Variants in STK3 observed in about 807,000 individuals in gnomAD.
The protein encoded by STK3 is serine/threonine-protein kinase 3.
A neutral mutation model predicts 58.0 loss-of-function variants in STK3; 41 were observed. That is an observed-to-expected ratio of 0.71 (90% CI 0.55 to 0.92). The LOEUF is 0.92. Among genes scored for constraint, STK3 ranks in the 40% least tolerant of loss-of-function variants. STK3 has a pLI of 0.00. For missense variants in STK3, 479 were observed against 602.7 expected, an observed-to-expected ratio of 0.79 and a Z score of 2.15; for synonymous variants, 170 against 191.0, an observed-to-expected ratio of 0.89 and a Z score of 0.91.
At chr8:98,587,681 T>C (rs958618664) in intron 7 of STK3, among the ~76,000 whole-genome samples, 1 of 152,088 alleles carries the variant, frequency 6.6e-6, no homozygotes, top group Non-Finnish European at 1.5e-5. Flanking sequence ...TTGATCTGTC[T>C]AATGTTGACA....
intron 1 of STK3, among the ~76,000 whole-genome samples, chr8:98,917,327 T>C (rs527787211): frequency 6.6e-6 from 1 of 152,178 alleles, no homozygotes; most frequent in Non-Finnish European, 1.5e-5. Context: ...AAATGGCAGA[T>C]GTACCAGCAT....
In STK3 at chr8:98,687,390, G is replaced by A. The variant is rs752269720; in HGVS notation, c.684+19077C>T. On this transcript the variant is annotated intron_variant, in intron 6 of 10. Coordinates refer to ENST00000419617, the MANE Select transcript of STK3 (RefSeq NM_006281.4). ...ACGTGCAGTTCACAAAAGGGTTCACGCTCCTAAGAGAATCCAATGTCAGTG... is the reference window on the plus strand; with the variant it reads ...ACGTGCAGTTCACAAAAGGGTTCACACTCCTAAGAGAATCCAATGTCAGTG... Among the ~76,000 whole-genome samples, 10 of 152,288 alleles carry A rather than the reference G, an allele frequency of 6.6e-5. No individual in the cohort carries two copies. In the East Asian group the frequency reaches 7.7e-4, roughly 12 times the overall value.
chr8:98,825,503 C>A lies in STK3; in HGVS notation c.26+12G>T. 2 of 1,457,844 alleles carry A rather than the reference C, an allele frequency of 1.4e-6. No individual in the cohort carries two copies. Among genetic ancestry groups the A allele is most frequent in the South Asian group, 2.6e-5 (2 of 77,256 alleles). The allele number at this position is 1,457,844 out of a possible 1,614,324, so 90.3% of individuals were successfully genotyped here. ...CCGCTTCCCTCCTTCTTCCCGCTCCCCGATTCGTTACCTCTTAGGCGCCGG... is the reference window on the plus strand; with the variant it reads ...CCGCTTCCCTCCTTCTTCCCGCTCCACGATTCGTTACCTCTTAGGCGCCGG... On this transcript the variant is annotated intron_variant, in intron 1 of 10. Coordinates refer to ENST00000419617, the MANE Select transcript of STK3 (RefSeq NM_006281.4).
intron 9 of STK3, among the ~76,000 whole-genome samples, chr8:98,531,297 T>C (rs1049725832): frequency 6.6e-6 from 1 of 152,370 alleles, no homozygotes; most frequent in Middle Eastern, 3.4e-3. Flanking sequence ...ACAAAATGGA[T>C]GTTGTGTTAG....
intron 6 of STK3, among the ~76,000 whole-genome samples, chr8:98,600,782 A>C (rs1816278782): frequency 6.6e-6 from 1 of 152,268 alleles, no homozygotes; most frequent in Non-Finnish European, 1.5e-5. Flanking sequence ...AATAACATAA[A>C]GTAACATATT....
chr8:98,662,694 C>CT (rs1330674123), intron 6 of STK3, among the ~76,000 whole-genome samples: 2 of 148,850 alleles, frequency 1.3e-5, no homozygotes, highest in African/African-American at 5.0e-5. Flanking sequence ...TTTTTTTAAA[C>CT]TTTAAGTTTT....
chr8:98,570,601 G>A (rs1812882244), intron 8 of STK3, among the ~76,000 whole-genome samples: 1 of 151,728 alleles, frequency 6.6e-6, no homozygotes. Flanking sequence ...CACAAGGTAG[G>A]GCAAAACCAG....
intron 1 of STK3, among the ~76,000 whole-genome samples, chr8:98,916,536 AG>A (rs1839355893): frequency 6.6e-6 from 1 of 152,242 alleles, no homozygotes; most frequent in African/African-American, 2.4e-5. Flanking sequence ...CTGTGTCTAC[AG>A]TCTTCACAAC....
Position 98,700,960 on chromosome 8 carries a change from G to A in STK3, c.684+5507C>T, listed in dbSNP as rs571559184. 5.3e-5 allele frequency among the ~76,000 whole-genome samples: 8 copies of A among 152,288 alleles called. No individual in the cohort carries two copies. In the South Asian group the frequency reaches 6.2e-4, roughly 12 times the overall value. ...GAAGATTGCAGTGAGCCTAGATGGCGCCACTGCACTCCAGCCTGGGTGACA... is the reference window on the plus strand; with the variant it reads ...GAAGATTGCAGTGAGCCTAGATGGCACCACTGCACTCCAGCCTGGGTGACA... On this transcript the variant is annotated intron_variant, in intron 6 of 10. Transcript: ENST00000419617.
At chr8:98,405,078 T>C (rs1003272397) in intron 3 of STK3, among the ~76,000 whole-genome samples, 6 of 152,232 alleles carry the variant, frequency 3.9e-5, no homozygotes, top group Admixed American at 3.9e-4. Context: ...CTTGTAGCTA[T>C]GTAGCCTTTT....
At chr8:98,357,666 A>T in the STK3 span, among the ~76,000 whole-genome samples, 1 of 152,152 alleles carries the variant, frequency 6.6e-6, no homozygotes, top group South Asian at 2.1e-4. Context: ...CATAGTTGAT[A>T]CCCTTCTAAT....
chr8:98,587,013 G>A (rs1190786710), intron 7 of STK3, among the ~76,000 whole-genome samples: 32 of 151,556 alleles, frequency 2.1e-4, no homozygotes, highest in African/African-American at 3.6e-4. Flanking sequence ...TCTTGCTAGC[G>A]GTCTATCAAT....
chr8:98,370,430 T>G (rs1817599847), downstream of STK3, among the ~76,000 whole-genome samples: 1 of 150,560 alleles, frequency 6.6e-6, no homozygotes, highest in Admixed American at 6.7e-5. Context: ...AGCTTCAGAG[T>G]CTTGCATAAT....
intron 4 of STK3, among the ~76,000 whole-genome samples, chr8:98,723,195 T>C (rs1252618988): frequency 1.3e-5 from 2 of 152,116 alleles, no homozygotes; most frequent in Admixed American, 6.5e-5. Flanking sequence ...GGTAGAGAGA[T>C]AATAAACCAT....
chr8:98,817,566 G>A (rs1834635198), intron 1 of STK3, among the ~76,000 whole-genome samples: 1 of 151,948 alleles, frequency 6.6e-6, no homozygotes, highest in Non-Finnish European at 1.5e-5. Context: ...ACTTTCTTGG[G>A]ATTATGAAAT....
chr8:98,852,708 A>G (rs1054178735), intron 3 of STK3, among the ~76,000 whole-genome samples: 1 of 152,206 alleles, frequency 6.6e-6, no homozygotes, highest in South Asian at 2.1e-4. Context: ...ATCTCCTTAC[A>G]TGTTTATGTA....
At chr8:98,477,699 TGGCGGGGGGGGGG>T (rs1821438105) in intron 10 of STK3, among the ~76,000 whole-genome samples, 1 of 724 alleles carries the variant, frequency 1.4e-3, no homozygotes, top group Non-Finnish European at 8.1e-3. Context: ...TCATCACACT[TGGCGGGGGGGGGG>T]GGGGTGGGCG....
chr8:98,862,638 T>C (rs1836979493), intron 3 of STK3, among the ~76,000 whole-genome samples: 1 of 152,216 alleles, frequency 6.6e-6, no homozygotes, highest in African/African-American at 2.4e-5. Flanking sequence ...CTCTCAAATA[T>C]CACCAGTCAC....
intron 3 of STK3, among the ~76,000 whole-genome samples, chr8:98,754,309 A>C (rs544959972): frequency 6.6e-6 from 1 of 152,102 alleles, no homozygotes; most frequent in African/African-American, 2.4e-5. Context: ...GCCTATGTGG[A>C]AACTTTTATA....
Sources: gnomAD v4.1 joint callset for allele counts (sites outside exome capture counted in the v4.1 genomes callset) on GRCh38, gnomAD v4.1.1 for gene constraint, MANE v1.5 for transcripts, NCBI Gene and HGNC (gene_info 2026-07-23, HGNC 2026-07-21) for gene names.